The following HPSE2 variants were observed in gnomAD, a reference collection of about 807,000 sequenced individuals.
The protein encoded by HPSE2 is inactive heparanase-2.
In HPSE2, 38 loss-of-function variants were observed where a neutral mutation model predicts 60.5. That is an observed-to-expected ratio of 0.63 (90% CI 0.48 to 0.82). The LOEUF (loss-of-function observed/expected upper bound fraction) is 0.82, where lower values mean the gene tolerates loss of function less well. Ranked by LOEUF, HPSE2 falls within the 40% of genes least tolerant of loss-of-function variation. The probability of loss-of-function intolerance (pLI) is 0.00; values close to 1 mark genes in which losing one functional copy is unlikely to be tolerated. For synonymous variants in HPSE2, 295 were observed against 293.2 expected (o/e 1.01, Z -0.06); for missense variants, 713 against 740.4 (o/e 0.96, Z 0.43).
At chr10:99,110,763 G>A (rs1211139870) in intron 3 of HPSE2, among the ~76,000 whole-genome samples, 1 of 152,054 alleles carries the variant, frequency 6.6e-6, no homozygotes, top group Non-Finnish European at 1.5e-5. Flanking sequence ...ATTATTTTGT[G>A]TCAAATTATT....
chr10:98,792,435 TAACTCC>T (rs1950675809), intron 3 of HPSE2, among the ~76,000 whole-genome samples: 1 of 152,146 alleles, frequency 6.6e-6, no homozygotes, highest in Non-Finnish European at 1.5e-5. Context: ...AGTTCACCGG[TAACTCC>T]ACATAAGTCA....
At chr10:99,064,791 C>T (rs1321830028) in intron 3 of HPSE2, among the ~76,000 whole-genome samples, 5 of 150,666 alleles carry the variant, frequency 3.3e-5, no homozygotes, top group African/African-American at 1.2e-4. Flanking sequence ...GTCAGAATTT[C>T]TTATTTAAAA....
intron 3 of HPSE2, among the ~76,000 whole-genome samples, chr10:98,837,003 C>A (rs1951805152): frequency 6.6e-6 from 1 of 152,162 alleles, no homozygotes; most frequent in Admixed American, 6.5e-5. Context: ...TGAGACGGTG[C>A]CACTGCACTC....
At chr10:98,907,115 A>G (rs559689239) in intron 3 of HPSE2, among the ~76,000 whole-genome samples, 3 of 152,324 alleles carry the variant, frequency 2.0e-5, no homozygotes, top group Non-Finnish European at 4.4e-5. Flanking sequence ...TTACAAAGTT[A>G]AAGTAACTTG....
At chr10:99,137,990 C>A (rs1845724200) in intron 3 of HPSE2, among the ~76,000 whole-genome samples, 1 of 152,104 alleles carries the variant, frequency 6.6e-6, no homozygotes, top group Admixed American at 6.5e-5. Context: ...GCAATCTATC[C>A]ATCTGACAAA....
intron 3 of HPSE2, among the ~76,000 whole-genome samples, chr10:98,877,807 G>A (rs1277497818): frequency 6.6e-6 from 1 of 151,860 alleles, no homozygotes; most frequent in East Asian, 1.9e-4. Flanking sequence ...GGGAGGGTAC[G>A]TTCAGGGCAG....
intron 1 of HPSE2, among the ~76,000 whole-genome samples, chr10:99,233,815 G>A (rs1849749151): frequency 6.6e-6 from 1 of 152,156 alleles, no homozygotes; most frequent in South Asian, 2.1e-4. Context: ...GGCCTACTGT[G>A]GCAAAGGAGA....
At chr10:98,655,119 C>CT (rs35051381) in intron 6 of HPSE2, among the ~76,000 whole-genome samples, 2 of 152,060 alleles carry the variant, frequency 1.3e-5, no homozygotes, top group Non-Finnish European at 2.9e-5. Flanking sequence ...TGATCTTCAC[C>CT]TTTTTTTCCC....
chr10:98,944,145 T>A (rs558387274), intron 3 of HPSE2, among the ~76,000 whole-genome samples: 8 of 152,196 alleles, frequency 5.3e-5, no homozygotes, highest in African/African-American at 1.7e-4. Flanking sequence ...GCAGATCAAT[T>A]TGAAAGGCAA....
intron 2 of HPSE2, among the ~76,000 whole-genome samples, chr10:99,231,280 A>T (rs1849636509): frequency 6.6e-6 from 1 of 152,264 alleles, no homozygotes; most frequent in Non-Finnish European, 1.5e-5. Flanking sequence ...ACAAGATATA[A>T]CAAAATTCAG....
chr10:99,252,614 C>T, the HPSE2 span, among the ~76,000 whole-genome samples: 1 of 152,120 alleles, frequency 6.6e-6, no homozygotes, highest in South Asian at 2.1e-4. Context: ...CAGTGGCTCA[C>T]GCCTGTAATC....
chr10:98,462,954 C>T (rs1940362735), intron 11 of HPSE2, among the ~76,000 whole-genome samples: 1 of 120,332 alleles, frequency 8.3e-6, no homozygotes, highest in Admixed American at 8.6e-5. Context: ...CTGTCCTTAT[C>T]TCTGCTTTTT....
intron 9 of HPSE2, among the ~76,000 whole-genome samples, chr10:98,502,841 C>T (rs367590197): frequency 6.6e-6 from 1 of 152,108 alleles, no homozygotes; most frequent in Non-Finnish European, 1.5e-5. Flanking sequence ...AACAAACAAT[C>T]CATCAAAAAG....
chr10:99,293,078 A>T, the HPSE2 span, among the ~76,000 whole-genome samples: 3 of 152,254 alleles, frequency 2.0e-5, no homozygotes, highest in South Asian at 6.2e-4. Context: ...CAGGGTATAA[A>T]TGACCCTCTT....
rs541624232 is a variant in HPSE2 at position 98,844,506 on chromosome 10, A to C, written c.611-100450T>G. Among the ~76,000 whole-genome samples, 7 of 152,336 alleles carry C rather than the reference A, an allele frequency of 4.6e-5. No individual in the cohort carries two copies. The East Asian group carries it at 1.4e-3, about 29-fold the overall frequency. ...GAATTTGGACCTTTGTCAATATTTGATCTGTGCACAGGAAAGTTTCAGAGA... is the reference window on the plus strand; with the variant it reads ...GAATTTGGACCTTTGTCAATATTTGCTCTGTGCACAGGAAAGTTTCAGAGA... On this transcript the variant is annotated intron_variant, in intron 3 of 11. Coordinates refer to ENST00000370552, the MANE Select transcript of HPSE2 (RefSeq NM_021828.5).
At chr10:98,572,860 A>G (rs1944537838) in intron 9 of HPSE2, among the ~76,000 whole-genome samples, 1 of 152,218 alleles carries the variant, frequency 6.6e-6, no homozygotes, top group Non-Finnish European at 1.5e-5. Context: ...AGTGAAGTGG[A>G]GGGTTCTAAG....
chr10:98,879,188 T>C (rs1224161104), intron 3 of HPSE2, among the ~76,000 whole-genome samples: 1 of 152,014 alleles, frequency 6.6e-6, no homozygotes, highest in African/African-American at 2.4e-5. Flanking sequence ...TGGGAGTTTT[T>C]ACCATGTAAA....
chr10:98,482,199 G>A (rs933906969), intron 11 of HPSE2, among the ~76,000 whole-genome samples: 1 of 152,272 alleles, frequency 6.6e-6, no homozygotes, highest in African/African-American at 2.4e-5. Context: ...GAGGTTAATA[G>A]ATGGTAACAA....
chr10:99,057,074 A>G (rs527945439), intron 3 of HPSE2, among the ~76,000 whole-genome samples: 1 of 152,272 alleles, frequency 6.6e-6, no homozygotes, highest in East Asian at 1.9e-4. Context: ...AAGAAATGAT[A>G]AGGGGACTTT....
Sources: allele counts gnomAD v4.1 joint callset (sites outside exome capture counted in the v4.1 genomes callset), GRCh38; gene constraint gnomAD v4.1.1; transcripts MANE v1.5; gene names NCBI Gene and HGNC (gene_info 2026-07-23, HGNC 2026-07-21).